FAM83B: variants seen among roughly 807,000 people sequenced by gnomAD.
FAM83B encodes scaffolding CK1 anchoring protein B, also known as protein FAM83B.
A neutral mutation model predicts 38.8 loss-of-function variants in FAM83B; 26 were observed. The observed-to-expected ratio is 0.67, with a 90% confidence interval of 0.49 to 0.93. The LOEUF is 0.93. FAM83B is among the 40% of genes least tolerant of loss of function. The pLI is 0.00. For synonymous variants in FAM83B, 419 were observed against 423.1 expected, an observed-to-expected ratio of 0.99 and a Z score of 0.12; for missense variants, 1,237 against 1,197.3, an observed-to-expected ratio of 1.03 and a Z score of -0.49.
chr6:54,898,680 T>A (rs955753093), intron 2 of FAM83B, among the ~76,000 whole-genome samples: 3 of 152,154 alleles, frequency 2.0e-5, no homozygotes, highest in Non-Finnish European at 2.9e-5. Context: ...AACATTGAAG[T>A]TATGTTTTAA....
chr6:54,904,612 T>C (rs1349493524), intron 2 of FAM83B, among the ~76,000 whole-genome samples: 2 of 152,222 alleles, frequency 1.3e-5, no homozygotes, highest in African/African-American at 4.8e-5. Flanking sequence ...ATGCCAGTCA[T>C]TACTATTCAT....
At chr6:54,857,007 C>T (rs149717312) in intron 1 of FAM83B, among the ~76,000 whole-genome samples, 4 of 152,108 alleles carry the variant, frequency 2.6e-5, no homozygotes, top group Admixed American at 2.0e-4. Context: ...TGTTTTTAAC[C>T]CTCTACTTTA....
chr6:54,899,930 G>A (rs1458802277), intron 2 of FAM83B, among the ~76,000 whole-genome samples: 1 of 152,058 alleles, frequency 6.6e-6, no homozygotes, highest in Non-Finnish European at 1.5e-5. Context: ...CCCAGAGCAT[G>A]TATTTCAATT....
At chr6:54,909,103 T>A (rs1772846331) in intron 2 of FAM83B, among the ~76,000 whole-genome samples, 1 of 152,130 alleles carries the variant, frequency 6.6e-6, no homozygotes, top group Admixed American at 6.6e-5. Context: ...TACAATACCT[T>A]CCACAATGCA....
At chr6:54,859,330 G>T (rs942341557) in intron 1 of FAM83B, among the ~76,000 whole-genome samples, 4 of 152,152 alleles carry the variant, frequency 2.6e-5, no homozygotes, top group Non-Finnish European at 4.4e-5. Flanking sequence ...AAAGTGCTGG[G>T]ATTACCAGCA....
At chr6:54,894,778 CTT>C (rs5876410) in intron 2 of FAM83B, among the ~76,000 whole-genome samples, 19,385 of 152,068 alleles carry the variant, frequency 0.13, 1,413 homozygotes, top group Middle Eastern at 0.21. Flanking sequence ...GGTCAGAAAA[CTT>C]AGAAGCAGGG....
At position 54,942,697 on chromosome 6, in the gene FAM83B, T is replaced by C. The variant is rs1235973482; in HGVS notation, c.*690T>C. ...TCTTTCTACACTGGACCCAGGGAGC[T>C]GTCCCCCTCTTACCCATAGGCTGCT... On this transcript the variant is annotated 3_prime_UTR_variant, in exon 5 of 5. Transcript: ENST00000306858. Among the ~76,000 whole-genome samples, 4 of 151,992 alleles carry C rather than the reference T, an allele frequency of 2.6e-5. No individual in the cohort carries two copies. Among genetic ancestry groups the C allele is most frequent in the Admixed American group, 2.6e-4 (4 of 15,262 alleles).
At chr6:54,890,699 T>G (rs1483070846) in intron 2 of FAM83B, among the ~76,000 whole-genome samples, 1 of 152,128 alleles carries the variant, frequency 6.6e-6, no homozygotes, top group African/African-American at 2.4e-5. Flanking sequence ...TTCTATAGAT[T>G]ACTGTAACCT....
intron 2 of FAM83B, among the ~76,000 whole-genome samples, chr6:54,871,126 A>G (rs1771842127): frequency 6.6e-6 from 1 of 152,206 alleles, no homozygotes; most frequent in Non-Finnish European, 1.5e-5. Flanking sequence ...TATTAAATAA[A>G]CCATATGTTT....
chr6:54,921,387 A>T (rs1773164016), intron 2 of FAM83B, among the ~76,000 whole-genome samples: 3 of 151,494 alleles, frequency 2.0e-5, no homozygotes. Context: ...ACTTTGGGAA[A>T]ATTTAGTACT....
chr6:54,897,708 A>T (rs569493375), intron 2 of FAM83B, among the ~76,000 whole-genome samples: 1 of 152,338 alleles, frequency 6.6e-6, no homozygotes, highest in East Asian at 1.9e-4. Flanking sequence ...TTTAAACAAC[A>T]TGAAGATATC....
Position 54,940,786 on chromosome 6 carries a change from G to C in FAM83B, c.1815G>C (p.Gln605His). Residue 605 changes from glutamine (Q) to histidine (H), a missense_variant, in exon 5 of 5, where the codon CAG becomes CAC. Coordinates refer to ENST00000306858, the MANE Select transcript of FAM83B (RefSeq NM_001010872.3). ...AATCAATCCCCAAGCTCCCATTGCA[G>C]TCAGAGGCACCAAAAATGCACACCT... ...LPESIPKLPL[Q>H]SEAPKMHTLQ... 6.2e-7 allele frequency: 1 copy of C among 1,614,010 alleles called. No homozygotes were observed.
At chr6:54,869,325 C>T (rs10948866) in intron 1 of FAM83B, among the ~76,000 whole-genome samples, 67,928 of 152,016 alleles carry the variant, frequency 0.45, 15,850 homozygotes, top group Non-Finnish European at 0.51. Flanking sequence ...CCTGTCTCTT[C>T]TTCAGTCCCC....
chr6:54,870,252 G>T lies in FAM83B; in HGVS notation c.6G>T (p.Glu2Asp). The T allele has an allele frequency of 6.2e-7, 1 of 1,610,744 alleles. No individual in the cohort carries two copies. The highest frequency in any genetic ancestry group is 1.1e-5 in the South Asian group (1 of 90,982). Residue 2 changes from glutamate to aspartate, a missense_variant, in exon 2 of 5, where the codon GAG (glutamate) becomes GAT (aspartate). Glu to Asp is a conservative substitution (Grantham distance 45). Coordinates refer to ENST00000306858, the MANE Select transcript of FAM83B (RefSeq NM_001010872.3). Reference protein sequence around the residue: METSSMLSSLND... With the variant: MDTSSMLSSLND... ...ATAGCCAAACACTTGCAAGCATGGAGACCTCATCAATGCTTTCCTCATTGA... is the reference window on the plus strand; with the variant it reads ...ATAGCCAAACACTTGCAAGCATGGATACCTCATCAATGCTTTCCTCATTGA...
Position 54,846,795 on chromosome 6 carries a change from C to T in FAM83B, c.-92C>T. The T allele has an allele frequency of 6.6e-6, 1 of 152,388 alleles. No individual in the cohort carries two copies. The highest frequency in any genetic ancestry group is 1.9e-4 in the East Asian group (1 of 5,150). 9.4% of individuals were successfully genotyped at this position (152,388 alleles called of 1,614,324 possible). A position where few individuals can be genotyped will look rare whatever the true frequency, so the allele number is the denominator to read the frequency against. ...CAAACCTTCGGCGGCCGGCGCTGTG[C>T]GGCGGGCGCGGTTGCGCGCGGCTTG... On this transcript the variant is annotated 5_prime_UTR_variant, in exon 1 of 5. Coordinates refer to ENST00000306858, the MANE Select transcript of FAM83B (RefSeq NM_001010872.3).
In FAM83B at chr6:54,926,430, G is replaced by T; in HGVS notation, c.504G>T (p.Glu168Asp). The T allele has an allele frequency of 6.2e-7, 1 of 1,609,098 alleles. No homozygotes were observed. Among genetic ancestry groups the T allele is most frequent in the South Asian group, 1.1e-5 (1 of 90,582 alleles). The part of the protein sequence containing the change: ...TDVDIFKEIV[E>D]ASTRGVSVYI... ...TGGACATTTTCAAAGAAATCGTTGAGGCATCAACTCGAGGAGTATCTGTTT... is the reference window on the plus strand; with the variant it reads ...TGGACATTTTCAAAGAAATCGTTGATGCATCAACTCGAGGAGTATCTGTTT... Residue 168 changes from glutamate (E) to aspartate (D), a missense_variant, in exon 3 of 5, where the codon GAG becomes GAT. Transcript: ENST00000306858.
In FAM83B at chr6:54,939,927, A is replaced by G; in HGVS notation, c.956A>G (p.Gln319Arg). The change falls in exon 5 of 5, where the codon CAG becomes CGG. Residue 319 changes from glutamine to arginine, a missense_variant. Physicochemically the swap from Gln to Arg is conservative, Grantham distance 43 (BLOSUM62 1). Coordinates refer to ENST00000306858, the MANE Select transcript of FAM83B (RefSeq NM_001010872.3). ...TCTTCATTAGCATCTGTTTCCAGCC[A>G]GAGAAACCTTTTTGGTAGACAAGAC... ...SVSSLASVSS[Q>R]RNLFGRQDKI... 1 of 1,614,112 alleles carries G rather than the reference A, an allele frequency of 6.2e-7. No homozygotes were observed. Among genetic ancestry groups the G allele is most frequent in the South Asian group, 1.1e-5 (1 of 91,080 alleles).
intron 1 of FAM83B, among the ~76,000 whole-genome samples, chr6:54,849,496 C>T (rs1771221060): frequency 7.2e-6 from 1 of 138,096 alleles, no homozygotes; most frequent in African/African-American, 2.8e-5. Context: ...AGGCAGGGGG[C>T]TAACATGTAC....
At chr6:54,881,543 GAA>G (rs1772132288) in intron 2 of FAM83B, among the ~76,000 whole-genome samples, 1 of 151,522 alleles carries the variant, frequency 6.6e-6, no homozygotes, top group Admixed American at 6.6e-5. Context: ...ATACGCTGCT[GAA>G]AAAAATCTAT....
Sources: gnomAD v4.1 joint callset for allele counts (sites outside exome capture counted in the v4.1 genomes callset) on GRCh38, gnomAD v4.1.1 for gene constraint, MANE v1.5 for transcripts, NCBI Gene and HGNC (gene_info 2026-07-23, HGNC 2026-07-21) for gene names.